ITGA11: variants seen among roughly 807,000 people sequenced by gnomAD.
The protein encoded by ITGA11 is integrin subunit alpha 11.
ITGA11 carries 97 observed loss-of-function variants against 141.9 expected under a neutral mutation model. That is an observed-to-expected ratio of 0.68 (90% CI 0.58 to 0.81). ITGA11 has a LOEUF of 0.81. ITGA11 is among the 30% of genes least tolerant of loss of function. The pLI, the probability that ITGA11 is intolerant of heterozygous loss-of-function variation, is 0.00. For missense variants in ITGA11, 1,387 were observed against 1,559.2 expected (o/e 0.89, Z 1.86); for synonymous variants, 658 against 624.6 (o/e 1.05, Z -0.80).
At chr15:68,336,106 C>T (rs1372882058) in intron 11 of ITGA11, 1 of 543,880 alleles carries the variant, frequency 1.8e-6, no homozygotes, top group Non-Finnish European at 3.3e-6. Flanking sequence ...TAAAGGAAGC[C>T]AGGTGGGACT....
At chr15:68,414,384 G>C (rs1896841284) in intron 1 of ITGA11, among the ~76,000 whole-genome samples, 1 of 152,170 alleles carries the variant, frequency 6.6e-6, no homozygotes, top group Non-Finnish European at 1.5e-5. Flanking sequence ...TAGGACAGCT[G>C]GTTCCAGGAC....
chr15:68,363,531 A>T (rs1567145116), intron 4 of ITGA11, among the ~76,000 whole-genome samples: 1 of 152,154 alleles, frequency 6.6e-6, no homozygotes, highest in Non-Finnish European at 1.5e-5. Context: ...TCATCGTCTT[A>T]TCTTTATGTC....
At position 68,298,772 on chromosome 15, in the gene ITGA11, A is replaced by C. The variant is rs1892961518; in HGVS notation, c.*4287T>G. On this transcript the variant is annotated 3_prime_UTR_variant, in exon 30 of 30. Transcript: ENST00000315757. ...CTCTGACTTGGGCCACCTTCTGAAAACATTTCAGACACATCACTAAGTTGT... is the reference window on the plus strand; with the variant it reads ...CTCTGACTTGGGCCACCTTCTGAAACCATTTCAGACACATCACTAAGTTGT... 1 of 152,224 alleles carries C rather than the reference A, an allele frequency of 6.6e-6. No homozygotes were observed. Among genetic ancestry groups the C allele is most frequent in the Non-Finnish European group, 1.5e-5 (1 of 68,040 alleles). The allele number at this position is 152,224 out of a possible 1,614,324, so 9.4% of individuals were successfully genotyped here.
chr15:68,353,734 G>C (rs1595874152), intron 7 of ITGA11, among the ~76,000 whole-genome samples: 1 of 152,010 alleles, frequency 6.6e-6, no homozygotes, highest in South Asian at 2.1e-4. Flanking sequence ...AGGCTCCATG[G>C]GCCTAGAAAC....
chr15:68,380,871 C>T (rs1895844489), intron 2 of ITGA11, among the ~76,000 whole-genome samples: 1 of 152,164 alleles, frequency 6.6e-6, no homozygotes, highest in Non-Finnish European at 1.5e-5. Flanking sequence ...CCCTTCTTGC[C>T]TCACTTGTCC....
At position 68,305,263 on chromosome 15, in the gene ITGA11, G is replaced by A. The variant is rs1893155533; in HGVS notation, c.3382-1378C>T. ...ACGAGACACTCCTGTCTTCCTCATGGTCTCTGTCTGATGTCACTTTATTGG... is the reference window on the plus strand; with the variant it reads ...ACGAGACACTCCTGTCTTCCTCATGATCTCTGTCTGATGTCACTTTATTGG... On this transcript the variant is annotated intron_variant, in intron 28 of 29. Transcript: ENST00000315757. The surrounding 1 kb of genome is among the most constrained non-coding windows in gnomAD (Gnocchi z 4.6). 6.6e-6 allele frequency among the ~76,000 whole-genome samples: 1 copy of A among 152,168 alleles called. No individual in the cohort carries two copies. The highest frequency in any genetic ancestry group is 2.4e-5 in the African/African-American group (1 of 41,438).
chr15:68,375,321 C>T (rs1039539005), intron 2 of ITGA11, among the ~76,000 whole-genome samples: 1 of 152,180 alleles, frequency 6.6e-6, no homozygotes, highest in Admixed American at 6.5e-5. Flanking sequence ...GCCGAGAGCT[C>T]GAGGGAACAA....
intron 4 of ITGA11, 23 bp from the exon 5 acceptor site, chr15:68,361,727 C>G (rs773814992): frequency 4.6e-6 from 7 of 1,530,348 alleles, no homozygotes; most frequent in Middle Eastern, 1.8e-4. Context: ...GTGCAGATCC[C>G]CAGTCAGTGA....
At chr15:68,344,176 C>T (rs902847326) in intron 10 of ITGA11, among the ~76,000 whole-genome samples, 5 of 152,060 alleles carry the variant, frequency 3.3e-5, no homozygotes, top group African/African-American at 9.7e-5. Flanking sequence ...TTGGGACCAG[C>T]GTGGCAGAGG....
At chr15:68,410,805 G>A (rs907436646) in intron 1 of ITGA11, among the ~76,000 whole-genome samples, 11 of 152,218 alleles carry the variant, frequency 7.2e-5, no homozygotes, top group Non-Finnish European at 1.5e-4. Flanking sequence ...CAAGGGAGGG[G>A]TGAGGGGACG....
At chr15:68,417,170 C>A (rs1896908193) in intron 1 of ITGA11, among the ~76,000 whole-genome samples, 1 of 152,118 alleles carries the variant, frequency 6.6e-6, no homozygotes, top group Admixed American at 6.5e-5. Context: ...AATTTCCTGG[C>A]TGCTTATAGG....
chr15:68,383,489 T>C (rs1895911638), intron 2 of ITGA11, among the ~76,000 whole-genome samples: 1 of 152,238 alleles, frequency 6.6e-6, no homozygotes, highest in Admixed American at 6.5e-5. Flanking sequence ...TTGCACCTTG[T>C]GGTTTTCAAT....
chr15:68,335,589 C>T lies in ITGA11; in HGVS notation c.1425+108G>A, dbSNP rs1894321623. ...GAAGGTGGCTGGAGGAACATGACTG[C>T]CCTTTGGGGCACCCAGTGGTCCAGG... On this transcript the variant is annotated intron_variant, in intron 12 of 29. Coordinates refer to ENST00000315757, the MANE Select transcript of ITGA11 (RefSeq NM_001004439.2). This position sits in a 1 kb window ranked among gnomAD's most constrained non-coding sequence, Gnocchi z 4.9. The T allele has an allele frequency of 2.3e-6, 3 of 1,290,884 alleles. No individual in the cohort carries two copies. Among genetic ancestry groups the T allele is most frequent in the East Asian group, 2.5e-5 (1 of 39,802 alleles). 80.0% of individuals were successfully genotyped at this position (1,290,884 alleles called of 1,614,324 possible).
At chr15:68,374,205 C>T (rs1482750227) in intron 2 of ITGA11, among the ~76,000 whole-genome samples, 1 of 152,224 alleles carries the variant, frequency 6.6e-6, no homozygotes, top group Non-Finnish European at 1.5e-5. Flanking sequence ...GAATCACCAG[C>T]ACCATGTATA....
chr15:68,422,911 C>T (rs565750125), intron 1 of ITGA11, among the ~76,000 whole-genome samples: 2 of 152,346 alleles, frequency 1.3e-5, no homozygotes, highest in African/African-American at 2.4e-5. Flanking sequence ...CCAAAAATCT[C>T]TCTCCTGCTA....
intron 2 of ITGA11, among the ~76,000 whole-genome samples, chr15:68,382,987 AGCAGCCAG>A (rs1895898751): frequency 6.6e-6 from 1 of 152,174 alleles, no homozygotes; most frequent in African/African-American, 2.4e-5. Flanking sequence ...AATCCCAAGG[AGCAGCCAG>A]GCGTGGTGGC....
chr15:68,400,630 A>T (rs1175803617), intron 2 of ITGA11, among the ~76,000 whole-genome samples: 1 of 73,752 alleles, frequency 1.4e-5, no homozygotes, highest in Non-Finnish European at 2.4e-5. Context: ...TTATATAATA[A>T]ATATTATAAT....
At chr15:68,344,112 G>A (rs1595869025) in intron 10 of ITGA11, among the ~76,000 whole-genome samples, 1 of 152,138 alleles carries the variant, frequency 6.6e-6, no homozygotes, top group Admixed American at 6.5e-5. Context: ...AGGCTTAGGA[G>A]GACCCGAATG....
intron 2 of ITGA11, among the ~76,000 whole-genome samples, chr15:68,400,455 A>T (rs1453093471): frequency 6.8e-6 from 1 of 145,988 alleles, no homozygotes; most frequent in Non-Finnish European, 1.5e-5. Flanking sequence ...GTTTATCAAA[A>T]GATACCATTT....
Sources: allele counts gnomAD v4.1 joint callset (sites outside exome capture counted in the v4.1 genomes callset), GRCh38; gene constraint gnomAD v4.1.1; non-coding constraint Gnocchi (gnomAD v3.1); transcripts MANE v1.5; gene names NCBI Gene and HGNC (gene_info 2026-07-23, HGNC 2026-07-21).